Variants in SPOCK1 observed in about 807,000 individuals in gnomAD.
SPOCK1 encodes testican-1.
In SPOCK1, 23 loss-of-function variants were observed where a neutral mutation model predicts 55.3. The ratio of observed to expected loss-of-function variants is 0.42; its 90% CI spans 0.30 to 0.59. SPOCK1 has a LOEUF of 0.59. SPOCK1 is among the 20% of genes least tolerant of loss of function. The pLI is 0.22. For synonymous variants in SPOCK1, 226 were observed against 221.0 expected (o/e 1.02, Z -0.20); for missense variants, 499 against 552.5 (o/e 0.90, Z 0.97).
At chr5:137,226,689 C>T (rs898158937) in intron 3 of SPOCK1, among the ~76,000 whole-genome samples, 37 of 152,186 alleles carry the variant, frequency 2.4e-4, no homozygotes, top group Non-Finnish European at 8.8e-5. Context: ...CAGGACTTGC[C>T]CATCTCTGGG....
chr5:137,115,135 G>A (rs773189417), intron 4 of SPOCK1, among the ~76,000 whole-genome samples: 11 of 152,100 alleles, frequency 7.2e-5, no homozygotes, highest in Non-Finnish European at 1.0e-4. Context: ...CTATCAGAGG[G>A]CCTGGTGCAT....
intron 3 of SPOCK1, among the ~76,000 whole-genome samples, chr5:137,161,439 C>T (rs181303754): frequency 8.3e-4 from 126 of 152,162 alleles, no homozygotes; most frequent in African/African-American, 2.8e-3. Context: ...AGGCTGACTA[C>T]CTTGCCTGCC....
chr5:137,207,975 A>G (rs968495875), intron 3 of SPOCK1, among the ~76,000 whole-genome samples: 1 of 152,128 alleles, frequency 6.6e-6, no homozygotes, highest in Non-Finnish European at 1.5e-5. Flanking sequence ...GCATTTTAAA[A>G]GGTTCTAAAC....
chr5:137,172,509 C>T (rs1224313919), intron 3 of SPOCK1, among the ~76,000 whole-genome samples: 2 of 152,210 alleles, frequency 1.3e-5, no homozygotes, highest in Admixed American at 6.5e-5. Context: ...ATTTCATGCA[C>T]TGTCATCTGT....
At chr5:137,078,126 A>G (rs563777484) in intron 5 of SPOCK1, among the ~76,000 whole-genome samples, 1 of 152,212 alleles carries the variant, frequency 6.6e-6, no homozygotes, top group East Asian at 1.9e-4. Flanking sequence ...AAAGCACAAA[A>G]CATCCCAGAG....
intron 5 of SPOCK1, among the ~76,000 whole-genome samples, chr5:137,110,307 T>A (rs1375816781): frequency 6.6e-6 from 1 of 152,222 alleles, no homozygotes; most frequent in African/African-American, 2.4e-5. Context: ...ATATCCTTGC[T>A]ACTAAAAGTG....
chr5:137,325,070 T>C (rs1219512007), intron 2 of SPOCK1, among the ~76,000 whole-genome samples: 1 of 152,166 alleles, frequency 6.6e-6, no homozygotes, highest in African/African-American at 2.4e-5. Context: ...AAAATATGTC[T>C]GGAAATAGAT....
intron 2 of SPOCK1, among the ~76,000 whole-genome samples, chr5:137,387,510 G>T (rs1316237643): frequency 6.6e-6 from 1 of 152,158 alleles, no homozygotes; most frequent in Admixed American, 6.5e-5. Flanking sequence ...AACTTCAAAT[G>T]CATATTTCTA....
At chr5:137,328,701 G>A (rs929002936) in intron 2 of SPOCK1, among the ~76,000 whole-genome samples, 5 of 152,106 alleles carry the variant, frequency 3.3e-5, no homozygotes, top group African/African-American at 7.2e-5. Context: ...ATTCTCATTC[G>A]CACTTTCCTG....
chr5:137,258,511 T>G (rs1279425377), intron 3 of SPOCK1, among the ~76,000 whole-genome samples: 2 of 152,226 alleles, frequency 1.3e-5, no homozygotes, highest in African/African-American at 4.8e-5. Context: ...CATTCTCAAA[T>G]GAGAAAAATT....
At chr5:137,283,529 C>A (rs1429159074) in intron 2 of SPOCK1, among the ~76,000 whole-genome samples, 1 of 152,142 alleles carries the variant, frequency 6.6e-6, no homozygotes, top group Non-Finnish European at 1.5e-5. Flanking sequence ...GCCTGGCCAA[C>A]ACAGTGAAAC....
At chr5:137,268,385 A>G (rs1210067937) in intron 2 of SPOCK1, among the ~76,000 whole-genome samples, 1 of 152,190 alleles carries the variant, frequency 6.6e-6, no homozygotes, top group Non-Finnish European at 1.5e-5. Context: ...AGTTTTATAG[A>G]ATAACTGGCC....
At chr5:137,177,893 G>A (rs1480340332) in intron 3 of SPOCK1, among the ~76,000 whole-genome samples, 1 of 152,106 alleles carries the variant, frequency 6.6e-6, no homozygotes, top group Non-Finnish European at 1.5e-5. Flanking sequence ...TAAAGCTGGG[G>A]AAGTCCATGC....
At chr5:137,374,681 C>T (rs1191520944) in intron 2 of SPOCK1, among the ~76,000 whole-genome samples, 2 of 152,196 alleles carry the variant, frequency 1.3e-5, no homozygotes, top group Non-Finnish European at 2.9e-5. Context: ...CGGCGCTCAC[C>T]ACACCATTTA....
chr5:137,284,534 C>T (rs544250844), intron 2 of SPOCK1, among the ~76,000 whole-genome samples: 2 of 152,278 alleles, frequency 1.3e-5, no homozygotes, highest in African/African-American at 4.8e-5. Flanking sequence ...TGGAAGGAAG[C>T]GGACGGAAGG....
intron 6 of SPOCK1, among the ~76,000 whole-genome samples, chr5:137,059,393 A>G (rs981805312): frequency 6.6e-6 from 1 of 152,250 alleles, no homozygotes; most frequent in Non-Finnish European, 1.5e-5. Context: ...AAAAATTATT[A>G]TATGCATATA....
intron 2 of SPOCK1, among the ~76,000 whole-genome samples, chr5:137,310,882 C>T (rs2127142183): frequency 6.6e-6 from 1 of 152,288 alleles, no homozygotes; most frequent in Middle Eastern, 3.4e-3. Flanking sequence ...AAAAAGCTAC[C>T]TCCCCCAGAT....
Position 137,484,394 on chromosome 5 carries a change from T to C in SPOCK1, c.186+13979A>G, listed in dbSNP as rs1450978491. Among the ~76,000 whole-genome samples the C allele has an allele frequency of 2.6e-5, 4 of 152,166 alleles. No individual in the cohort carries two copies. In the East Asian group the frequency reaches 5.8e-4, roughly 22 times the overall value. The stretch of plus-strand genomic sequence containing the variant: ...GTGAGCTGTGGGCTCTCACACCTGT[T>C]TCCCTGACAAAACTCAAGTGGGATC... On this transcript the variant is annotated intron_variant, in intron 2 of 10. Transcript: ENST00000394945.
chr5:137,364,895 G>A (rs1319142200), intron 2 of SPOCK1: 1 of 152,208 alleles, frequency 6.6e-6, no homozygotes, highest in African/African-American at 2.4e-5. Flanking sequence ...CCCTCAAAGA[G>A]GTGCTATTAG....
Sources: allele counts gnomAD v4.1 joint callset (sites outside exome capture counted in the v4.1 genomes callset), GRCh38; gene constraint gnomAD v4.1.1; transcripts MANE v1.5; gene names NCBI Gene and HGNC (gene_info 2026-07-23, HGNC 2026-07-21).